The following ABCA12 variants were observed in gnomAD, a reference collection of about 807,000 sequenced individuals.
ABCA12 encodes the protein glucosylceramide transporter ABCA12.
In ABCA12, 156 loss-of-function variants were observed where a neutral mutation model predicts 293.5. The ratio of observed to expected loss-of-function variants is 0.53; its 90% CI spans 0.47 to 0.61. The LOEUF (loss-of-function observed/expected upper bound fraction) is 0.61. ABCA12 is among the 20% of genes least tolerant of loss of function. ABCA12 has a pLI of 0.00. For synonymous variants in ABCA12, 1,063 were observed against 1,108.0 expected (o/e 0.96, Z 0.81); for missense variants, 2,797 against 3,090.2 (o/e 0.91, Z 2.25).
intron 24 of ABCA12, 95 bp from the exon 25 acceptor site, chr2:214,989,716 T>C: frequency 2.3e-6 from 3 of 1,309,746 alleles, no homozygotes; most frequent in Non-Finnish European, 3.2e-6. Context: ...GACATTTGTA[T>C]AGATAAAATT....
intron 2 of ABCA12, among the ~76,000 whole-genome samples, chr2:215,087,543 A>G (rs1427270523): frequency 6.6e-6 from 1 of 151,558 alleles, no homozygotes; most frequent in East Asian, 1.9e-4. Flanking sequence ...GGGGAAGTTC[A>G]TAAAGATAGG....
At chr2:215,110,137 C>A (rs140987181) in intron 2 of ABCA12, among the ~76,000 whole-genome samples, 2 of 152,104 alleles carry the variant, frequency 1.3e-5, no homozygotes, top group African/African-American at 2.4e-5. Context: ...ATGAAGAGAG[C>A]AAAATTATGC....
intron 2 of ABCA12, among the ~76,000 whole-genome samples, chr2:215,104,693 C>T (rs569629226): frequency 6.6e-6 from 1 of 152,266 alleles, no homozygotes; most frequent in African/African-American, 2.4e-5. Context: ...GGGTCTTTGG[C>T]CGTGAAATTC....
intron 35 of ABCA12, among the ~76,000 whole-genome samples, chr2:214,974,393 A>G (rs1699461704): frequency 6.6e-6 from 1 of 152,186 alleles, no homozygotes; most frequent in Non-Finnish European, 1.5e-5. Flanking sequence ...TGAGTTGTGT[A>G]TTAATACTAT....
Position 215,058,710 on chromosome 2 carries a change from G to T in ABCA12, c.318-4046C>A, listed in dbSNP as rs1164848372. Among the ~76,000 whole-genome samples the T allele has an allele frequency of 2.6e-5, 4 of 151,966 alleles. No individual in the cohort carries two copies. In the East Asian group the frequency reaches 7.8e-4, roughly 30 times the overall value. On this transcript the variant is annotated intron_variant, in intron 3 of 52. Coordinates refer to ENST00000272895, the MANE Select transcript of ABCA12 (RefSeq NM_173076.3). ...CCCGGCCACATGCACGGTACGATGG[G>T]CATGGCTAAGGGCCACTCCTCTAAG...
intron 7 of ABCA12, among the ~76,000 whole-genome samples, chr2:215,039,777 A>G (rs2106040819): frequency 6.6e-6 from 1 of 151,994 alleles, no homozygotes; most frequent in Non-Finnish European, 1.5e-5. Context: ...TAAATAAATA[A>G]ATAAATAAGT....
chr2:215,039,627 C>A (rs916083934), intron 7 of ABCA12, among the ~76,000 whole-genome samples: 1 of 151,860 alleles, frequency 6.6e-6, no homozygotes, highest in African/African-American at 2.4e-5. Context: ...TGGTGGCGGG[C>A]GCCTGTAGTC....
intron 2 of ABCA12, among the ~76,000 whole-genome samples, chr2:215,092,663 T>G (rs977982948): frequency 5.3e-5 from 8 of 152,134 alleles, no homozygotes; most frequent in Non-Finnish European, 1.2e-4. Flanking sequence ...AAATTCTCCT[T>G]ACAACTCTCC....
At position 214,968,753 on chromosome 2, in the gene ABCA12, T is replaced by G. The variant is rs1699322681; in HGVS notation, c.5745A>C (p.Ile1915=). 1 of 1,613,290 alleles carries G rather than the reference T, an allele frequency of 6.2e-7. No individual in the cohort carries two copies. Among genetic ancestry groups the G allele is most frequent in the Non-Finnish European group, 8.5e-7 (1 of 1,179,416 alleles). ...GTGTTCTATTGGCAGGGACTCCTGT[T>G]ATATCAAAACGAAGGTCTTTTGTCA... is the stretch of plus-strand genomic sequence containing the variant. ...LPLTKDLRFD[I]TGVPANRTLA... The change falls in exon 38 of 53, where the codon ATA becomes ATC. Residue 1915 remains isoleucine, a synonymous_variant. Coordinates refer to ENST00000272895, the MANE Select transcript of ABCA12 (RefSeq NM_173076.3).
intron 44 of ABCA12, among the ~76,000 whole-genome samples, chr2:214,952,281 C>T (rs886676731): frequency 4.7e-5 from 7 of 149,948 alleles, no homozygotes; most frequent in Admixed American, 1.3e-4. Context: ...AGTGCAGTGG[C>T]GCCATCTCGG....
rs747980700 is a variant in ABCA12, at chr2:215,037,044, C to T, written c.894G>A (p.Lys298=). ...CGTTAGTTGCAAAACGTGGATAAACCTTCTGCACAACCAGCAGCACACTAA... is the reference window on the plus strand; with the variant it reads ...CGTTAGTTGCAAAACGTGGATAAACTTTCTGCACAACCAGCAGCACACTAA... ...KANSVLLVVQ[K]VYPRFATNEG... The change falls in exon 8 of 53, where the codon AAG becomes AAA. Residue 298 remains lysine, a synonymous_variant. Coordinates refer to ENST00000272895, the MANE Select transcript of ABCA12 (RefSeq NM_173076.3). 1.9e-6 allele frequency: 3 copies of T among 1,613,832 alleles called. No homozygotes were observed. Among genetic ancestry groups the T allele is most frequent in the Non-Finnish European group, 2.5e-6 (3 of 1,179,840 alleles).
In ABCA12 at chr2:215,117,699, C is replaced by T. The variant is rs1281134390; in HGVS notation, c.70-6009G>A. Among the ~76,000 whole-genome samples, 5 of 152,204 alleles carry T rather than the reference C, an allele frequency of 3.3e-5. No homozygotes were observed. In the East Asian group the frequency reaches 9.7e-4, roughly 29 times the overall value. On this transcript the variant is annotated intron_variant, in intron 1 of 52. Transcript: ENST00000272895. Reference sequence around the variant, plus strand: ...TTGTCTACCATTGTTATTTTCTTACCATTTTCACTAAACAGTAAAGAAAAT... The same window carrying T: ...TTGTCTACCATTGTTATTTTCTTACTATTTTCACTAAACAGTAAAGAAAAT...
In ABCA12 at chr2:215,138,126, T is replaced by G; in HGVS notation, c.69+14A>C. The G allele has an allele frequency of 6.2e-7, 1 of 1,613,872 alleles. No individual in the cohort carries two copies. Among genetic ancestry groups the G allele is most frequent in the Non-Finnish European group, 8.5e-7 (1 of 1,179,820 alleles). On this transcript the variant is annotated intron_variant, in intron 1 of 52. Transcript: ENST00000272895. ...GCCCCATGACCCATACTCCCACACT[T>G]TTTTTTAACTCACCGGCTGCCTTTT...
chr2:215,051,540 A>C (rs1328250052), intron 5 of ABCA12, among the ~76,000 whole-genome samples: 2 of 151,872 alleles, frequency 1.3e-5, no homozygotes, highest in African/African-American at 4.8e-5. Flanking sequence ...TAAATGTTAA[A>C]GACATGTCTC....
In ABCA12 at chr2:214,976,105, A is replaced by G. The variant is rs7594021; in HGVS notation, c.5129-68T>C. 0.48 allele frequency: 761,994 copies of G among 1,583,128 alleles called. 187,551 individuals carry two copies. Among genetic ancestry groups the G allele is most frequent in the Middle Eastern group, 0.52 (2,644 of 5,124 alleles). On this transcript the variant is annotated intron_variant, in intron 33 of 52. Coordinates refer to ENST00000272895, the MANE Select transcript of ABCA12 (RefSeq NM_173076.3). The stretch of plus-strand genomic sequence containing the variant: ...GATAAGCAATAAAATAACTTCAGAA[A>G]CTATATATAAATGGTATAATACACT...
At position 215,019,678 on chromosome 2, in the gene ABCA12, A is replaced by G. The variant is rs1218797912; in HGVS notation, c.1406T>C (p.Phe469Ser). The change falls in exon 12 of 53, where the codon TTT becomes TCT. Residue 469 changes from phenylalanine to serine, a missense_variant. Transcript: ENST00000272895. ...SFGSLCEESE[F>S]DLQLLEAAEL... ...TGCCGCTTCGAGGAGTTGCAGATCAAACTCACTTTCTTCACACAGGCTCCC... is the reference window on the plus strand; with the variant it reads ...TGCCGCTTCGAGGAGTTGCAGATCAGACTCACTTTCTTCACACAGGCTCCC... 4 of 1,614,172 alleles carry G rather than the reference A, an allele frequency of 2.5e-6. No individual in the cohort carries two copies. Among genetic ancestry groups the G allele is most frequent in the Non-Finnish European group, 3.4e-6 (4 of 1,180,032 alleles).
intron 2 of ABCA12, chr2:215,085,549 C>T (rs1325192073): frequency 6.6e-6 from 1 of 152,154 alleles, no homozygotes; most frequent in Non-Finnish European, 1.5e-5. Flanking sequence ...TTTCATCATG[C>T]AAAAATCTCA....
At chr2:215,000,307 A>T (rs1373277858) in intron 22 of ABCA12, among the ~76,000 whole-genome samples, 2 of 152,158 alleles carry the variant, frequency 1.3e-5, no homozygotes, top group African/African-American at 4.8e-5. Context: ...CAGATTTTTT[A>T]AAATCCGATT....
rs369280935 is a variant in ABCA12 at position 215,106,116 on chromosome 2, G to C, written c.163+5481C>G. Among the ~76,000 whole-genome samples the C allele has an allele frequency of 1.8e-4, 28 of 152,286 alleles. No individual in the cohort carries two copies. In the East Asian group the frequency reaches 3.3e-3, roughly 18 times the overall value. ...ACCACAGGAAAAGTCAGCAGCAAGAGCAAGGCCAGAACACACCTCACTCCT... is the reference window on the plus strand; with the variant it reads ...ACCACAGGAAAAGTCAGCAGCAAGACCAAGGCCAGAACACACCTCACTCCT... On this transcript the variant is annotated intron_variant, in intron 2 of 52. Coordinates refer to ENST00000272895, the MANE Select transcript of ABCA12 (RefSeq NM_173076.3).
Sources: gnomAD v4.1 joint callset for allele counts (sites outside exome capture counted in the v4.1 genomes callset) on GRCh38, gnomAD v4.1.1 for gene constraint, MANE v1.5 for transcripts, NCBI Gene and HGNC (gene_info 2026-07-23, HGNC 2026-07-21) for gene names.